CNTN5: variants seen among roughly 807,000 people sequenced by gnomAD.
CNTN5 encodes contactin 5, also known as contactin-5.
In CNTN5, 77 loss-of-function variants were observed where a neutral mutation model predicts 129.1. That is an observed-to-expected ratio of 0.60 (90% confidence interval 0.50 to 0.72). The LOEUF is 0.72. CNTN5 is among the 30% of genes least tolerant of loss of function. The probability of loss-of-function intolerance (pLI) is 0.00; values close to 1 mark genes in which losing one functional copy is unlikely to be tolerated. For synonymous variants in CNTN5, 509 were observed against 465.6 expected (o/e 1.09, Z -1.20); for missense variants, 1,478 against 1,328.8 (o/e 1.11, Z -1.75).
chr11:99,750,702 A>G (rs1374576852), intron 3 of CNTN5, among the ~76,000 whole-genome samples: 1 of 152,222 alleles, frequency 6.6e-6, no homozygotes, highest in African/African-American at 2.4e-5. Flanking sequence ...GAAATACCAC[A>G]TGCAATAAGT....
intron 13 of CNTN5, among the ~76,000 whole-genome samples, chr11:100,102,099 G>A (rs748960035): frequency 3.3e-5 from 5 of 152,114 alleles, no homozygotes; most frequent in Non-Finnish European, 7.4e-5. Context: ...CCAGTAGTAG[G>A]ATTGCTGAAT....
chr11:100,242,710 C>A (rs2138686012), intron 16 of CNTN5, among the ~76,000 whole-genome samples: 1 of 152,302 alleles, frequency 6.6e-6, no homozygotes, highest in East Asian at 1.9e-4. Flanking sequence ...CACCTCCTAC[C>A]AGACCCTACG....
chr11:99,768,457 T>C (rs1006150798), intron 3 of CNTN5, among the ~76,000 whole-genome samples: 3 of 152,144 alleles, frequency 2.0e-5, no homozygotes, highest in African/African-American at 7.2e-5. Flanking sequence ...TTCAGATGTC[T>C]TCAGTTGCCT....
At chr11:99,821,809 A>G (rs544816099) in intron 4 of CNTN5, among the ~76,000 whole-genome samples, 6 of 152,292 alleles carry the variant, frequency 3.9e-5, no homozygotes, top group African/African-American at 1.4e-4. Flanking sequence ...GATGGTGCTG[A>G]TCTGTGGATG....
intron 1 of CNTN5, among the ~76,000 whole-genome samples, chr11:99,284,601 GT>G (rs1386444001): frequency 0.13 from 71 of 526 alleles, no homozygotes; most frequent in East Asian, 0.37. Flanking sequence ...GAGATGAGTG[GT>G]GTGTGTGTGT....
At chr11:99,549,543 T>C (rs994996918) in intron 2 of CNTN5, among the ~76,000 whole-genome samples, 13 of 152,314 alleles carry the variant, frequency 8.5e-5, no homozygotes, top group Non-Finnish European at 1.8e-4. Context: ...CTTTCACATC[T>C]AGTACGTTTT....
chr11:99,648,068 A>G (rs892662789), intron 3 of CNTN5, among the ~76,000 whole-genome samples: 2 of 151,986 alleles, frequency 1.3e-5, no homozygotes, highest in African/African-American at 4.8e-5. Context: ...TTTACCACAG[A>G]TAGCCTTTAT....
chr11:100,290,928 C>T (rs1442463310), intron 18 of CNTN5, among the ~76,000 whole-genome samples: 2 of 151,832 alleles, frequency 1.3e-5, no homozygotes, highest in African/African-American at 4.8e-5. Context: ...ACAAACAACC[C>T]CATCAAACAG....
chr11:99,386,964 G>A (rs1940959622), intron 2 of CNTN5, among the ~76,000 whole-genome samples: 2 of 151,992 alleles, frequency 1.3e-5, no homozygotes, highest in Admixed American at 1.3e-4. Flanking sequence ...TTGCATTCAT[G>A]TTTTTCTAGT....
rs1258106255 is a variant in CNTN5, at chr11:99,109,051, A to G, written c.-210+87781A>G. Among the ~76,000 whole-genome samples, 4 of 151,262 alleles carry G rather than the reference A, an allele frequency of 2.6e-5. No individual in the cohort carries two copies. The East Asian group carries it at 5.9e-4, about 22-fold the overall frequency. On this transcript the variant is annotated intron_variant, in intron 1 of 24. Transcript: ENST00000524871. ...TATATGTACATATGTATATGTATAT[A>G]CACATATACACATAGTGTATGTACA...
chr11:99,167,191 T>C (rs1860914547), intron 1 of CNTN5, among the ~76,000 whole-genome samples: 1 of 152,106 alleles, frequency 6.6e-6, no homozygotes, highest in Non-Finnish European at 1.5e-5. Flanking sequence ...AATCTTAACA[T>C]TCGGATTTGG....
At chr11:99,874,211 TAAA>T (rs1004099657) in intron 6 of CNTN5, among the ~76,000 whole-genome samples, 1 of 152,136 alleles carries the variant, frequency 6.6e-6, no homozygotes, top group African/African-American at 2.4e-5. Context: ...AAAATTAAAA[TAAA>T]AAAGATATGT....
At chr11:99,646,895 GCTA>G (rs1281226674) in intron 3 of CNTN5, among the ~76,000 whole-genome samples, 1 of 148,064 alleles carries the variant, frequency 6.8e-6, no homozygotes, top group Non-Finnish European at 1.5e-5. Flanking sequence ...TGGCTTTTTT[GCTA>G]CTGAGATGTT....
At chr11:99,247,811 A>C (rs1591415327) in intron 1 of CNTN5, among the ~76,000 whole-genome samples, 1 of 152,080 alleles carries the variant, frequency 6.6e-6, no homozygotes, top group East Asian at 1.9e-4. Flanking sequence ...TTATGGCTGC[A>C]TGGTATTCCA....
intron 7 of CNTN5, among the ~76,000 whole-genome samples, chr11:99,955,757 G>C (rs1282203952): frequency 6.6e-6 from 1 of 151,906 alleles, no homozygotes; most frequent in Non-Finnish European, 1.5e-5. Flanking sequence ...GTAGAGACGG[G>C]GTTTCACCAT....
intron 6 of CNTN5, among the ~76,000 whole-genome samples, chr11:99,865,948 A>G (rs944506654): frequency 2.0e-5 from 3 of 152,092 alleles, no homozygotes; most frequent in African/African-American, 7.2e-5. Flanking sequence ...TAGAACTATT[A>G]CTGTTGTTAT....
chr11:99,161,350 G>A (rs1860601530), intron 1 of CNTN5, among the ~76,000 whole-genome samples: 1 of 151,860 alleles, frequency 6.6e-6, no homozygotes, highest in African/African-American at 2.4e-5. Context: ...AGAATCTTAT[G>A]TATTTTCAGA....
intron 7 of CNTN5, among the ~76,000 whole-genome samples, chr11:99,917,119 T>G (rs1435327293): frequency 1.3e-5 from 2 of 152,232 alleles, no homozygotes; most frequent in South Asian, 4.1e-4. Context: ...TTCTATATTT[T>G]TAATCGAAAG....
At chr11:100,090,642 G>A (rs1944746716) in intron 13 of CNTN5, among the ~76,000 whole-genome samples, 1 of 149,596 alleles carries the variant, frequency 6.7e-6, no homozygotes, top group Non-Finnish European at 1.5e-5. Flanking sequence ...CCCAGTACAA[G>A]CTACCAGGAG....
Sources: gnomAD v4.1 joint callset for allele counts (sites outside exome capture counted in the v4.1 genomes callset) on GRCh38, gnomAD v4.1.1 for gene constraint, MANE v1.5 for transcripts, NCBI Gene and HGNC (gene_info 2026-07-23, HGNC 2026-07-21) for gene names.